The following TUSC3 variants were observed in gnomAD, a reference collection of about 807,000 sequenced individuals.
TUSC3 encodes dolichyl-diphosphooligosaccharide--protein glycosyltransferase subunit TUSC3.
A neutral mutation model predicts 44.8 loss-of-function variants in TUSC3; 45 were observed. That is an observed-to-expected ratio of 1.00 (90% CI 0.79 to 1.29). The LOEUF (loss-of-function observed/expected upper bound fraction) is 1.29, where lower values mean the gene tolerates loss of function less well. Among genes scored for constraint, TUSC3 ranks in the 50% most tolerant of loss-of-function variants. The pLI is 0.00. For synonymous variants in TUSC3, 212 were observed against 152.9 expected (o/e 1.39, Z -2.85); for missense variants, 519 against 437.9 (o/e 1.19, Z -1.65).
At chr8:15,768,410 G>A (rs993564465), downstream of TUSC3, among the ~76,000 whole-genome samples, 4 of 151,948 alleles carry the variant, frequency 2.6e-5, no homozygotes, top group African/African-American at 9.7e-5. Flanking sequence ...TAAAACATGA[G>A]GCATATGAAG....
At chr8:15,757,105 C>G (rs1286824649) in intron 9 of TUSC3, among the ~76,000 whole-genome samples, 4 of 152,106 alleles carry the variant, frequency 2.6e-5, no homozygotes, top group Non-Finnish European at 4.4e-5. Context: ...CCACTGCACT[C>G]CAGCCTGTGC....
chr8:15,594,487 T>G (rs1803983970), intron 1 of TUSC3, among the ~76,000 whole-genome samples: 1 of 152,184 alleles, frequency 6.6e-6, no homozygotes, highest in African/African-American at 2.4e-5. Flanking sequence ...TACTGGATAA[T>G]TTTGTCTTCC....
intron 2 of TUSC3, among the ~76,000 whole-genome samples, chr8:15,624,240 C>T (rs375262680): frequency 1.3e-5 from 2 of 152,064 alleles, no homozygotes; most frequent in African/African-American, 2.4e-5. Flanking sequence ...GAATCGGGGT[C>T]GTTTCTAGGT....
chr8:15,460,571 G>T (rs185458680), intron 1 of TUSC3, among the ~76,000 whole-genome samples: 2 of 152,064 alleles, frequency 1.3e-5, no homozygotes, highest in African/African-American at 2.4e-5. Flanking sequence ...TATTCCATTT[G>T]CTTTTGGGTT....
At chr8:15,727,881 C>T in intron 6 of TUSC3, among the ~76,000 whole-genome samples, 1 of 152,148 alleles carries the variant, frequency 6.6e-6, no homozygotes, top group African/African-American at 2.4e-5. Context: ...GGAATATCCT[C>T]TTAATCCTAT....
At chr8:15,742,248 G>GTA (rs1361461029) in intron 7 of TUSC3, among the ~76,000 whole-genome samples, 2 of 6,422 alleles carry the variant, frequency 3.1e-4, no homozygotes, top group East Asian at 0.017. Context: ...CTTTTCTCTT[G>GTA]TATATGTTAG....
chr8:15,482,386 A>C (rs1800674371), intron 1 of TUSC3, among the ~76,000 whole-genome samples: 1 of 152,194 alleles, frequency 6.6e-6, no homozygotes, highest in Admixed American at 6.5e-5. Flanking sequence ...TCTCTCCTAG[A>C]AGGTTTTCAA....
At chr8:15,672,097 C>T (rs1356295402) in intron 5 of TUSC3, among the ~76,000 whole-genome samples, 1 of 151,960 alleles carries the variant, frequency 6.6e-6, no homozygotes, top group Admixed American at 6.6e-5. Context: ...TGGATGCAGG[C>T]ATTACCATCA....
At chr8:15,786,730 T>C in the TUSC3 span, among the ~76,000 whole-genome samples, 4 of 151,464 alleles carry the variant, frequency 2.6e-5, no homozygotes, top group South Asian at 8.4e-4. Context: ...GATCACGAGG[T>C]CAGGAGTTCA....
intron 6 of TUSC3, among the ~76,000 whole-genome samples, chr8:15,696,083 C>G (rs928878293): frequency 5.9e-5 from 9 of 152,178 alleles, no homozygotes; most frequent in African/African-American, 9.7e-5. Flanking sequence ...TGTTAATCCC[C>G]AAGACAATGG....
At chr8:15,771,941 T>A in the TUSC3 span, among the ~76,000 whole-genome samples, 1 of 151,856 alleles carries the variant, frequency 6.6e-6, no homozygotes, top group Non-Finnish European at 1.5e-5. Flanking sequence ...TACAAAAAAT[T>A]AGCCAGGTGT....
chr8:15,553,242 T>G (rs1423990457), intron 1 of TUSC3, among the ~76,000 whole-genome samples: 2 of 151,668 alleles, frequency 1.3e-5, no homozygotes, highest in African/African-American at 4.8e-5. Context: ...ATCATTCGCC[T>G]AAATGGGAAT....
intron 9 of TUSC3, chr8:15,748,878 G>C (rs540735029): frequency 5.1e-6 from 2 of 390,262 alleles, no homozygotes; most frequent in East Asian, 1.5e-4. Flanking sequence ...TTCAAAATAA[G>C]AGCCAACATG....
chr8:15,683,731 C>T (rs763437117), intron 6 of TUSC3, among the ~76,000 whole-genome samples: 27 of 152,132 alleles, frequency 1.8e-4, no homozygotes, highest in Non-Finnish European at 3.5e-4. Flanking sequence ...CTTGTACTTC[C>T]TGCACTGATT....
chr8:15,524,651 T>A (rs1416212887), intron 2 of TUSC3, among the ~76,000 whole-genome samples: 1 of 152,204 alleles, frequency 6.6e-6, no homozygotes, highest in Non-Finnish European at 1.5e-5. Context: ...TTTTATATTT[T>A]GCAGGTAGCT....
the TUSC3 span, among the ~76,000 whole-genome samples, chr8:15,848,048 G>T: frequency 1.3e-5 from 2 of 152,062 alleles, no homozygotes; most frequent in South Asian, 2.1e-4. Flanking sequence ...TGCTTTTCAG[G>T]ACTCACTATA....
At chr8:15,745,876 C>T (rs767029310) in intron 8 of TUSC3, among the ~76,000 whole-genome samples, 4 of 123,864 alleles carry the variant, frequency 3.2e-5, no homozygotes, top group Non-Finnish European at 7.2e-5. Flanking sequence ...TTGAGACAGG[C>T]ATTTCCTAGG....
At chr8:15,747,283 C>T (rs571779864) in intron 8 of TUSC3, among the ~76,000 whole-genome samples, 21 of 152,032 alleles carry the variant, frequency 1.4e-4, no homozygotes, top group Non-Finnish European at 2.7e-4. Flanking sequence ...TTTTCTTCTG[C>T]TTTAATCTTT....
the TUSC3 span, among the ~76,000 whole-genome samples, chr8:15,822,613 G>T: frequency 1.3e-5 from 2 of 152,068 alleles, no homozygotes; most frequent in African/African-American, 4.8e-5. Flanking sequence ...TAGAAGAGAA[G>T]GCTTCCAAGG....
Sources: allele counts gnomAD v4.1 joint callset (sites outside exome capture counted in the v4.1 genomes callset), GRCh38; gene constraint gnomAD v4.1.1; transcripts MANE v1.5; gene names NCBI Gene and HGNC (gene_info 2026-07-23, HGNC 2026-07-21).